The following XKR6 variants were observed in gnomAD, a reference collection of about 807,000 sequenced individuals.
XKR6 encodes the protein XK-related protein 6.
A neutral mutation model predicts 56.7 loss-of-function variants in XKR6; 22 were observed. The ratio of observed to expected loss-of-function variants is 0.39; its 90% CI spans 0.28 to 0.55. The LOEUF is 0.55. Among genes scored for constraint, XKR6 ranks in the 20% least tolerant of loss-of-function variants. The pLI, the probability that XKR6 is intolerant of heterozygous loss-of-function variation, is 0.66. For synonymous variants in XKR6, 524 were observed against 387.8 expected, an observed-to-expected ratio of 1.35 and a Z score of -4.13; for missense variants, 852 against 889.0, an observed-to-expected ratio of 0.96 and a Z score of 0.53.
chr8:11,064,783 A>G (rs1799934032), intron 1 of XKR6, among the ~76,000 whole-genome samples: 1 of 152,258 alleles, frequency 6.6e-6, no homozygotes, highest in South Asian at 2.1e-4. Context: ...ACTGTAGGAA[A>G]TGGCAAGGTC....
At chr8:11,168,586 A>T (rs1052728003) in intron 1 of XKR6, among the ~76,000 whole-genome samples, 20 of 152,236 alleles carry the variant, frequency 1.3e-4, no homozygotes, top group African/African-American at 4.3e-4. Flanking sequence ...ACAAAGCAGA[A>T]CACACATTCT....
chr8:11,000,758 C>G (rs555927802), intron 1 of XKR6, among the ~76,000 whole-genome samples: 1 of 152,304 alleles, frequency 6.6e-6, no homozygotes, highest in African/African-American at 2.4e-5. Context: ...AGAGCTCTCT[C>G]TGCTAGTTCA....
At chr8:11,040,359 TAAAA>T (rs143219123) in intron 1 of XKR6, among the ~76,000 whole-genome samples, 122 of 107,266 alleles carry the variant, frequency 1.1e-3, no homozygotes, top group African/African-American at 1.7e-3. Context: ...TCATGTCTGC[TAAAA>T]AAAAAAAAAA....
At chr8:11,149,411 A>G (rs1412401794) in intron 1 of XKR6, among the ~76,000 whole-genome samples, 1 of 152,236 alleles carries the variant, frequency 6.6e-6, no homozygotes, top group Non-Finnish European at 1.5e-5. Flanking sequence ...ACCGTCGTAT[A>G]TGTGGTCTGC....
intron 1 of XKR6, chr8:11,113,962 G>C: frequency 3.1e-6 from 1 of 325,880 alleles, no homozygotes; most frequent in Non-Finnish European, 6.0e-6. Flanking sequence ...CCTCCCTCTC[G>C]CTGGCTTTGC....
rs144766063 is a variant in XKR6, at chr8:10,954,962, G to C, written c.765-30132C>G. 2.0e-5 allele frequency among the ~76,000 whole-genome samples: 3 copies of C among 146,778 alleles called. No homozygotes were observed. The Admixed American group carries it at 2.1e-4, about 10-fold the overall frequency. ...TGGCTCACTGCAATCTTTGCCTCCT[G>C]GGTTCAAGTGATTCTCCAGCCTCAG... is the stretch of plus-strand genomic sequence containing the variant. On this transcript the variant is annotated intron_variant, in intron 1 of 2. Coordinates refer to ENST00000416569, the MANE Select transcript of XKR6 (RefSeq NM_173683.4).
intron 1 of XKR6, among the ~76,000 whole-genome samples, chr8:10,996,247 C>T (rs1160507674): frequency 2.0e-5 from 3 of 152,170 alleles, no homozygotes; most frequent in Non-Finnish European, 2.9e-5. Context: ...AAGAGGTGCT[C>T]CTGGGGGTGT....
intron 1 of XKR6, among the ~76,000 whole-genome samples, chr8:11,153,613 G>C (rs141564145): frequency 2.0e-5 from 3 of 152,258 alleles, no homozygotes; most frequent in East Asian, 1.9e-4. Flanking sequence ...TAAATGAGTT[G>C]CAATATACCA....
chr8:11,016,463 G>C (rs74688580), intron 1 of XKR6, among the ~76,000 whole-genome samples: 7,540 of 152,266 alleles, frequency 0.05, 464 homozygotes, highest in African/African-American at 0.14. Flanking sequence ...TCGAGGCGCA[G>C]ACAACAAGCT....
At chr8:11,094,041 C>G (rs1467360575) in intron 1 of XKR6, among the ~76,000 whole-genome samples, 1 of 149,552 alleles carries the variant, frequency 6.7e-6, no homozygotes, top group Non-Finnish European at 1.5e-5. Flanking sequence ...GCCTCGGCCT[C>G]CCAAAGTGCT....
intron 1 of XKR6, among the ~76,000 whole-genome samples, chr8:10,929,635 A>G (rs1400814287): frequency 6.6e-6 from 1 of 152,176 alleles, no homozygotes; most frequent in African/African-American, 2.4e-5. Flanking sequence ...ACATTTCCTA[A>G]CTTCTCTGAG....
At chr8:11,136,247 G>A (rs964269961) in intron 1 of XKR6, among the ~76,000 whole-genome samples, 1 of 152,206 alleles carries the variant, frequency 6.6e-6, no homozygotes, top group East Asian at 1.9e-4. Flanking sequence ...TGGCGCGGCG[G>A]CTCACGCCTG....
chr8:11,008,674 C>A (rs1226921119), intron 1 of XKR6, among the ~76,000 whole-genome samples: 3 of 152,112 alleles, frequency 2.0e-5, no homozygotes, highest in African/African-American at 4.8e-5. Flanking sequence ...CTCGCCCTCC[C>A]AAAGTGCTGG....
At chr8:11,119,610 C>T (rs978501043) in intron 1 of XKR6, among the ~76,000 whole-genome samples, 2 of 152,034 alleles carry the variant, frequency 1.3e-5, no homozygotes, top group African/African-American at 4.8e-5. Flanking sequence ...CTGTTTTATC[C>T]GAGACTAGGA....
intron 1 of XKR6, among the ~76,000 whole-genome samples, chr8:10,927,670 A>G (rs1800932388): frequency 6.6e-6 from 1 of 152,092 alleles, no homozygotes; most frequent in Non-Finnish European, 1.5e-5. Flanking sequence ...TCTGCCCACC[A>G]AGGCCGGGGC....
chr8:11,003,562 C>T lies in XKR6; in HGVS notation c.765-78732G>A, dbSNP rs911765889. Reference sequence around the variant, plus strand: ...CTATTATACCTAATCTGTGTAAGTACTGGGGAATACATTGTCTTTAATCCT... The same window carrying T: ...CTATTATACCTAATCTGTGTAAGTATTGGGGAATACATTGTCTTTAATCCT... On this transcript the variant is annotated intron_variant, in intron 1 of 2. Coordinates refer to ENST00000416569, the MANE Select transcript of XKR6 (RefSeq NM_173683.4). Among the ~76,000 whole-genome samples, 69 of 152,184 alleles carry T rather than the reference C, an allele frequency of 4.5e-4. 1 individual carries two copies. Among genetic ancestry groups the T allele is most frequent in the African/African-American group, 1.6e-3 (65 of 41,428 alleles).
At chr8:11,123,796 T>C (rs1407387511) in intron 1 of XKR6, 1 of 453,460 alleles carries the variant, frequency 2.2e-6, no homozygotes, top group Non-Finnish European at 4.4e-6. Flanking sequence ...CTCATCTCAG[T>C]GTAATGCCAG....
intron 1 of XKR6, among the ~76,000 whole-genome samples, chr8:10,941,307 C>T (rs1431733964): frequency 6.6e-6 from 1 of 152,184 alleles, no homozygotes; most frequent in African/African-American, 2.4e-5. Context: ...GGTGTCACAA[C>T]CACAACCACA....
intron 1 of XKR6, among the ~76,000 whole-genome samples, chr8:11,035,502 G>A (rs1425629866): frequency 2.0e-5 from 3 of 152,208 alleles, no homozygotes; most frequent in Admixed American, 2.0e-4. Context: ...AAGGGAGGAG[G>A]AAGCCCCAGG....
Sources: gnomAD v4.1 joint callset for allele counts (sites outside exome capture counted in the v4.1 genomes callset) on GRCh38, gnomAD v4.1.1 for gene constraint, MANE v1.5 for transcripts, NCBI Gene and HGNC (gene_info 2026-07-23, HGNC 2026-07-21) for gene names.